MAML2: variants seen among roughly 807,000 people sequenced by gnomAD.
The protein encoded by MAML2 is mastermind-like protein 2.
Under a neutral mutation model 96.1 loss-of-function variants are expected in MAML2, and 22 were observed. The ratio of observed to expected loss-of-function variants is 0.23; its 90% CI spans 0.16 to 0.33. The LOEUF is 0.33. Ranked by LOEUF, MAML2 falls within the 10% of genes least tolerant of loss-of-function variation. The probability of loss-of-function intolerance (pLI) is 1.00; values close to 1 mark genes in which losing one functional copy is unlikely to be tolerated. For synonymous variants in MAML2, 561 were observed against 521.3 expected, an observed-to-expected ratio of 1.08 and a Z score of -1.04; for missense variants, 1,367 against 1,392.4, an observed-to-expected ratio of 0.98 and a Z score of 0.29.
chr11:96,180,508 C>A (rs1179088004), intron 1 of MAML2, among the ~76,000 whole-genome samples: 1 of 152,156 alleles, frequency 6.6e-6, no homozygotes, highest in Non-Finnish European at 1.5e-5. Context: ...GCTGACTGCT[C>A]AAGTTAAGAT....
In MAML2 at chr11:96,092,306, C is replaced by T. The variant is rs1429564238; in HGVS notation, c.1725G>A (p.Leu575=). ...GGAGAGAAGGCTTGTTCTGGGAAGG[C>T]AAAACAGAAGGCATCTGCTGGTTCG... The part of the protein sequence containing the change: ...DQANQQMPSV[L]PSQNKPSLLH... Residue 575 remains leucine (L), a synonymous_variant, in exon 2 of 5, where the codon TTG becomes TTA. Transcript: ENST00000524717. This position sits in a 1 kb window ranked among gnomAD's most constrained non-coding sequence, Gnocchi z 4.1. The T allele has an allele frequency of 1.9e-6, 3 of 1,579,578 alleles. No individual in the cohort carries two copies. The highest frequency in any genetic ancestry group is 2.6e-6 in the Non-Finnish European group (3 of 1,162,160).
chr11:96,290,590 G>T (rs1863195238), intron 1 of MAML2, among the ~76,000 whole-genome samples: 1 of 152,116 alleles, frequency 6.6e-6, no homozygotes, highest in African/African-American at 2.4e-5. Context: ...ATCCACAAAT[G>T]CATTATAAAT....
At chr11:96,319,599 C>T (rs1447851644) in intron 1 of MAML2, among the ~76,000 whole-genome samples, 1 of 152,090 alleles carries the variant, frequency 6.6e-6, no homozygotes. Flanking sequence ...TTATGTCTTG[C>T]TATGGTCTCT....
rs1359393385 is a variant in MAML2, at chr11:95,979,248, C to G, written c.3171G>C (p.Gln1057His). The G allele has an allele frequency of 6.2e-6, 10 of 1,613,896 alleles. No individual in the cohort carries two copies. The highest frequency in any genetic ancestry group is 8.5e-6 in the Non-Finnish European group (10 of 1,179,912). The change falls in exon 5 of 5, where the codon CAG (glutamine) becomes CAC (histidine). Residue 1057 changes from glutamine to histidine, a missense_variant. Gln to His is a conservative substitution (Grantham distance 24). Transcript: ENST00000524717. ...LNLRPNQLST[Q>H]ILPNLNQSGT... ...CTGACTGATTCAAATTAGGCAAAAT[C>G]TGTGTGCTTAGCTGATTGGGTCTGA...
chr11:96,030,337 G>A (rs1858593702), intron 2 of MAML2, among the ~76,000 whole-genome samples: 1 of 152,090 alleles, frequency 6.6e-6, no homozygotes, highest in South Asian at 2.1e-4. Flanking sequence ...CCAGGTATGT[G>A]ATGACCTATA....
At chr11:95,988,341 C>T (rs912069144) in intron 3 of MAML2, among the ~76,000 whole-genome samples, 34 of 151,596 alleles carry the variant, frequency 2.2e-4, no homozygotes, top group Admixed American at 4.6e-4. Context: ...TCACTGCAAC[C>T]TCTGCCTCCC....
At chr11:96,141,642 A>T (rs1006453342) in intron 1 of MAML2, among the ~76,000 whole-genome samples, 1 of 152,048 alleles carries the variant, frequency 6.6e-6, no homozygotes, top group East Asian at 1.9e-4. Flanking sequence ...AGCACAGAAG[A>T]CCTCCTCCCT....
intron 2 of MAML2, among the ~76,000 whole-genome samples, chr11:96,002,676 TG>T (rs1858101584): frequency 1.4e-5 from 1 of 71,680 alleles, no homozygotes; most frequent in South Asian, 5.9e-4. Flanking sequence ...TGAAGAATAA[TG>T]ATGGGGATGG....
rs148636780 is a variant in MAML2, at chr11:96,219,014, T to C, written c.513+122369A>G. ...CAAAATTCCCAAAGGACCATTCTTT[T>C]CTTGGGTATGTGCAAAAGTGGAGAC... On this transcript the variant is annotated intron_variant, in intron 1 of 4. Coordinates refer to ENST00000524717, the MANE Select transcript of MAML2 (RefSeq NM_032427.4). 1.9e-3 allele frequency among the ~76,000 whole-genome samples: 285 copies of C among 152,332 alleles called. 1 individual carries two copies. Among genetic ancestry groups the C allele is most frequent in the African/African-American group, 6.6e-3 (273 of 41,574 alleles).
At chr11:96,245,535 A>G (rs1209904353) in intron 1 of MAML2, among the ~76,000 whole-genome samples, 1 of 152,090 alleles carries the variant, frequency 6.6e-6, no homozygotes, top group East Asian at 1.9e-4. Flanking sequence ...AAAAGCTTAT[A>G]TCCTTTATAT....
At chr11:96,100,966 G>T (rs1392398787) in intron 1 of MAML2, among the ~76,000 whole-genome samples, 1 of 151,758 alleles carries the variant, frequency 6.6e-6, no homozygotes, top group Non-Finnish European at 1.5e-5. Context: ...GGGTAGTCTG[G>T]AACTCCTGGA....
chr11:96,136,015 C>T (rs1196876348), intron 1 of MAML2, among the ~76,000 whole-genome samples: 3 of 152,184 alleles, frequency 2.0e-5, no homozygotes, highest in African/African-American at 7.2e-5. Flanking sequence ...TGAAAACCAG[C>T]ATGGCACCAA....
Position 96,203,039 on chromosome 11 carries a change from C to T in MAML2, c.514-109522G>A, listed in dbSNP as rs185413761. Among the ~76,000 whole-genome samples, 8 of 152,196 alleles carry T rather than the reference C, an allele frequency of 5.3e-5. No homozygotes were observed. In the East Asian group the frequency reaches 9.6e-4, roughly 18 times the overall value. On this transcript the variant is annotated intron_variant, in intron 1 of 4. Transcript: ENST00000524717. ...TGTTGAAAAAAAGGAATCTAAATTG[C>T]CTTTTAAAATCATTTATGAATGACA...
chr11:96,185,629 CT>C (rs1015765226), intron 1 of MAML2, among the ~76,000 whole-genome samples: 20 of 152,304 alleles, frequency 1.3e-4, no homozygotes, highest in South Asian at 1.0e-3. Context: ...GCAAGAAATG[CT>C]GACTCTCAGC....
At chr11:96,322,434 C>T (rs1863716310) in intron 1 of MAML2, among the ~76,000 whole-genome samples, 1 of 152,234 alleles carries the variant, frequency 6.6e-6, no homozygotes, top group African/African-American at 2.4e-5. Flanking sequence ...CACAGTGGCT[C>T]ATTCCTATAA....
chr11:96,187,326 A>G (rs951532528), intron 1 of MAML2, among the ~76,000 whole-genome samples: 1 of 152,252 alleles, frequency 6.6e-6, no homozygotes, highest in African/African-American at 2.4e-5. Flanking sequence ...GCCAAAAGAA[A>G]TATATTTGGT....
In MAML2 at chr11:96,159,479, C is replaced by T. The variant is rs183550028; in HGVS notation, c.514-65962G>A. On this transcript the variant is annotated intron_variant, in intron 1 of 4. Coordinates refer to ENST00000524717, the MANE Select transcript of MAML2 (RefSeq NM_032427.4). Reference sequence around the variant, plus strand: ...CCAGGCTGGAGTGCAGTGGTGCGATCTCGGCTGCGAGCCGAGATCACTGCG... The same window carrying T: ...CCAGGCTGGAGTGCAGTGGTGCGATTTCGGCTGCGAGCCGAGATCACTGCG... Among the ~76,000 whole-genome samples, 401 of 71,050 alleles carry T rather than the reference C, an allele frequency of 5.6e-3. 8 individuals are homozygous for T. Among genetic ancestry groups the T allele is most frequent in the East Asian group, 0.054 (89 of 1,656 alleles). 46.6% of individuals were successfully genotyped at this position (71,050 alleles called of 152,430 possible). A position where few individuals can be genotyped will look rare whatever the true frequency, so the allele number is the denominator to read the frequency against.
At chr11:96,283,604 G>A (rs76683564) in intron 1 of MAML2, among the ~76,000 whole-genome samples, 2,006 of 152,128 alleles carry the variant, frequency 0.013, 23 homozygotes, top group Non-Finnish European at 0.022. Context: ...ATGTATCTGG[G>A]GCCTACAATT....
intron 1 of MAML2, among the ~76,000 whole-genome samples, chr11:96,318,309 C>G (rs1863657683): frequency 2.0e-5 from 3 of 152,112 alleles, no homozygotes; most frequent in African/African-American, 7.2e-5. Flanking sequence ...CCCAAGGTAA[C>G]ACAGGAAGAA....
Sources: gnomAD v4.1 joint callset for allele counts (sites outside exome capture counted in the v4.1 genomes callset) on GRCh38, gnomAD v4.1.1 for gene constraint, Gnocchi (gnomAD v3.1) non-coding constraint, MANE v1.5 for transcripts, NCBI Gene and HGNC (gene_info 2026-07-23, HGNC 2026-07-21) for gene names.